SPTLC2: variants seen among roughly 807,000 people sequenced by gnomAD.
The protein encoded by SPTLC2 is serine palmitoyltransferase 2.
In SPTLC2, 21 loss-of-function variants were observed where a neutral mutation model predicts 62.0. That is an observed-to-expected ratio of 0.34 (90% confidence interval 0.24 to 0.49). The LOEUF (loss-of-function observed/expected upper bound fraction) is 0.49. Among genes scored for constraint, SPTLC2 ranks in the 20% least tolerant of loss-of-function variants. The probability of loss-of-function intolerance (pLI) is 0.99; values close to 1 mark genes in which losing one functional copy is unlikely to be tolerated. For missense variants in SPTLC2, 511 were observed against 713.0 expected (o/e 0.72, Z 3.23); for synonymous variants, 261 against 261.8 (o/e 1.00, Z 0.03).
chr14:77,514,478 A>G (rs2079349169), intron 11 of SPTLC2, among the ~76,000 whole-genome samples: 1 of 152,158 alleles, frequency 6.6e-6, no homozygotes, highest in South Asian at 2.1e-4. Context: ...ATCGCCATTC[A>G]TTAACAGTCT....
chr14:77,605,953 C>A (rs1269585286), intron 1 of SPTLC2, among the ~76,000 whole-genome samples: 1 of 152,204 alleles, frequency 6.6e-6, no homozygotes, highest in Non-Finnish European at 1.5e-5. Flanking sequence ...GTGTTTTATA[C>A]CTCATTGTAT....
chr14:77,583,521 C>T (rs2079764975), intron 2 of SPTLC2, among the ~76,000 whole-genome samples: 2 of 152,152 alleles, frequency 1.3e-5, no homozygotes, highest in Non-Finnish European at 2.9e-5. Context: ...AGACAGTTCT[C>T]TCCGCAAAGA....
chr14:77,519,290 G>A (rs562936031), intron 10 of SPTLC2, among the ~76,000 whole-genome samples: 21 of 152,040 alleles, frequency 1.4e-4, no homozygotes, highest in African/African-American at 4.8e-4. Flanking sequence ...CACCCACCTC[G>A]GCCTCCCAAA....
intron 2 of SPTLC2, among the ~76,000 whole-genome samples, chr14:77,589,190 T>C (rs769652074): frequency 5.3e-5 from 8 of 152,118 alleles, no homozygotes; most frequent in Non-Finnish European, 7.4e-5. Context: ...CTTTCAACCA[T>C]GGTTAATTAA....
intron 9 of SPTLC2, among the ~76,000 whole-genome samples, chr14:77,529,620 CTTTTTTTTTT>C (rs71452856): frequency 1.3e-5 from 1 of 76,058 alleles, no homozygotes; most frequent in Non-Finnish European, 2.7e-5. Context: ...TTCTTTCTTT[CTTTTTTTTTT>C]TTTTTTTTTT....
chr14:77,558,648 G>GTCT (rs2079598562), intron 6 of SPTLC2, among the ~76,000 whole-genome samples: 1 of 145,610 alleles, frequency 6.9e-6, no homozygotes, highest in Admixed American at 7.0e-5. Context: ...TTGAGACAGA[G>GTCT]TCTTGCTCTG....
intron 9 of SPTLC2, among the ~76,000 whole-genome samples, chr14:77,537,902 A>C (rs536084165): frequency 2.6e-5 from 4 of 152,220 alleles, no homozygotes; most frequent in Non-Finnish European, 5.9e-5. Context: ...TTCTCTTAAA[A>C]TCATGCTGTT....
intron 2 of SPTLC2, among the ~76,000 whole-genome samples, chr14:77,588,649 T>C (rs148141542): frequency 2.4e-4 from 36 of 151,590 alleles, no homozygotes; most frequent in African/African-American, 7.7e-4. Flanking sequence ...CGAGCTGAGA[T>C]TGTGCCACTG....
chr14:77,602,645 G>A (rs58598324), intron 1 of SPTLC2, among the ~76,000 whole-genome samples: 35,396 of 151,690 alleles, frequency 0.23, 4,388 homozygotes, highest in East Asian at 0.31. Context: ...TACCTTTCAG[G>A]CTTAAGTGAT....
At chr14:77,542,455 A>G (rs1369965281) in intron 9 of SPTLC2, among the ~76,000 whole-genome samples, 1 of 152,190 alleles carries the variant, frequency 6.6e-6, no homozygotes, top group African/African-American at 2.4e-5. Context: ...GCCCCAGAGA[A>G]CAGTCTTGTA....
chr14:77,516,214 G>C (rs1219386123), intron 11 of SPTLC2, among the ~76,000 whole-genome samples: 1 of 152,098 alleles, frequency 6.6e-6, no homozygotes, highest in Non-Finnish European at 1.5e-5. Context: ...TAAATGGGAG[G>C]CAAAGCCCAA....
In SPTLC2 at chr14:77,506,738, G is replaced by A. The variant is rs1045944160; in HGVS notation, c.*5546C>T. ...GAAAAAGCAGACTCTGAGTTGGCTT[G>A]AGTCTCCTCGTGCATAGAAGCATTC... is the stretch of plus-strand genomic sequence containing the variant. On this transcript the variant is annotated 3_prime_UTR_variant, in exon 12 of 12. Transcript: ENST00000216484. 2.6e-5 allele frequency: 4 copies of A among 152,140 alleles called. No individual in the cohort carries two copies. The highest frequency in any genetic ancestry group is 1.9e-4 in the East Asian group (1 of 5,158). The allele number at this position is 152,140 out of a possible 1,614,324, so 9.4% of individuals were successfully genotyped here. A position where few individuals can be genotyped will look rare whatever the true frequency, so the allele number is the denominator to read the frequency against.
chr14:77,530,328 A>T (rs112695508), intron 9 of SPTLC2, among the ~76,000 whole-genome samples: 4,388 of 149,450 alleles, frequency 0.029, 225 homozygotes, highest in African/African-American at 0.1. Flanking sequence ...AAAAAAAAAA[A>T]TATTTATTTA....
chr14:77,576,309 T>G (rs1038024023), intron 4 of SPTLC2, among the ~76,000 whole-genome samples: 37 of 152,234 alleles, frequency 2.4e-4, no homozygotes, highest in African/African-American at 7.2e-4. Context: ...AGAGTTTATA[T>G]TTATTGTCTA....
At chr14:77,541,015 TTTTA>T (rs34700249) in intron 9 of SPTLC2, among the ~76,000 whole-genome samples, 34,398 of 147,952 alleles carry the variant, frequency 0.23, 5,872 homozygotes, top group African/African-American at 0.49. Context: ...TTGCAAAACA[TTTTA>T]TTTATTTATT....
At chr14:77,600,928 G>A (rs1218463081) in intron 1 of SPTLC2, among the ~76,000 whole-genome samples, 1 of 152,130 alleles carries the variant, frequency 6.6e-6, no homozygotes, top group Admixed American at 6.5e-5. Flanking sequence ...TTATTAAGCA[G>A]CTGAAAAGGC....
At chr14:77,556,904 T>G (rs2079587158) in intron 7 of SPTLC2, 137 bp downstream of exon 7, 1 of 704,548 alleles carries the variant, frequency 1.4e-6, no homozygotes, top group South Asian at 1.6e-5. Context: ...CTGACTCTGT[T>G]TCCAGGTATT....
At chr14:77,613,609 G>C (rs2079949510) in intron 1 of SPTLC2, among the ~76,000 whole-genome samples, 1 of 152,164 alleles carries the variant, frequency 6.6e-6, no homozygotes, top group African/African-American at 2.4e-5. Flanking sequence ...ACATACTCTT[G>C]AGAGTGTAAA....
intron 9 of SPTLC2, among the ~76,000 whole-genome samples, chr14:77,523,031 C>A (rs2079392107): frequency 6.6e-6 from 1 of 152,142 alleles, no homozygotes; most frequent in Non-Finnish European, 1.5e-5. Context: ...CTTAGATTAG[C>A]CTAGTGTGAG....
Sources: allele counts gnomAD v4.1 joint callset (sites outside exome capture counted in the v4.1 genomes callset), GRCh38; gene constraint gnomAD v4.1.1; transcripts MANE v1.5; gene names NCBI Gene and HGNC (gene_info 2026-07-23, HGNC 2026-07-21).